NLRP1: variants seen among roughly 807,000 people sequenced by gnomAD.
The protein encoded by NLRP1 is NACHT, LRR and PYD domains-containing protein 1.
In NLRP1, 94 loss-of-function variants were observed where a neutral mutation model predicts 136.7. That is an observed-to-expected ratio of 0.69 (90% CI 0.58 to 0.82). NLRP1 has a LOEUF of 0.82. Ranked by LOEUF, NLRP1 falls within the 40% of genes least tolerant of loss-of-function variation. The pLI, the probability that NLRP1 is intolerant of heterozygous loss-of-function variation, is 0.00. For missense variants in NLRP1, 1,575 were observed against 1,802.7 expected (o/e 0.87, Z 2.29); for synonymous variants, 690 against 725.1 (o/e 0.95, Z 0.78).
Position 5,532,806 on chromosome 17 carries a change from G to T in NLRP1, c.3296+16C>A. 6.3e-7 allele frequency: 1 copy of T among 1,579,898 alleles called. No individual in the cohort carries two copies. Among genetic ancestry groups the T allele is most frequent in the South Asian group, 1.2e-5 (1 of 86,552 alleles). Reference sequence around the variant, plus strand: ...GCGGGAGGCCAGCCTGGGACCAGCAGAGCCCCCTCACTCACCGGTACAAGT... The same window carrying T: ...GCGGGAGGCCAGCCTGGGACCAGCATAGCCCCCTCACTCACCGGTACAAGT... On this transcript the variant is annotated intron_variant, in intron 11 of 16. Coordinates refer to ENST00000572272, the MANE Select transcript of NLRP1 (RefSeq NM_033004.4).
chr17:5,562,433 G>GCC (rs981297596), intron 3 of NLRP1, among the ~76,000 whole-genome samples: 3 of 152,194 alleles, frequency 2.0e-5, no homozygotes, highest in African/African-American at 7.2e-5. Context: ...GCCAACCACG[G>GCC]CCCCTGCCTG....
intron 10 of NLRP1, 96 bp downstream of exon 10, chr17:5,533,208 G>T: frequency 6.5e-7 from 1 of 1,535,354 alleles, no homozygotes; most frequent in African/African-American, 1.4e-5. Context: ...TTCCCCACTG[G>T]AATAGAAGTG....
At chr17:5,538,184 G>A (rs1039356551) in intron 7 of NLRP1, among the ~76,000 whole-genome samples, 4 of 152,102 alleles carry the variant, frequency 2.6e-5, no homozygotes, top group Non-Finnish European at 5.9e-5. Flanking sequence ...CAGGAGCCGT[G>A]GGTAAGTGTC....
intron 3 of NLRP1, among the ~76,000 whole-genome samples, chr17:5,561,353 C>A (rs1022848345): frequency 3.3e-5 from 5 of 152,122 alleles, no homozygotes; most frequent in Non-Finnish European, 7.3e-5. Flanking sequence ...CTGCACCCAG[C>A]CTACTATCTT....
intron 3 of NLRP1, 145 bp from the exon 4 acceptor site, chr17:5,560,188 G>T: frequency 1.3e-6 from 1 of 752,322 alleles, no homozygotes; most frequent in Non-Finnish European, 2.0e-6. Context: ...GCGGCGGAAG[G>T]ACATGTGCTT....
At position 5,553,538 on chromosome 17, in the gene NLRP1, G is replaced by A; in HGVS notation, c.2376C>T (p.Val792=). 1 of 1,614,050 alleles carries A rather than the reference G, an allele frequency of 6.2e-7. No individual in the cohort carries two copies. Among genetic ancestry groups the A allele is most frequent in the South Asian group, 1.1e-5 (1 of 91,052 alleles). Residue 792 remains valine (V), a synonymous_variant, in exon 5 of 17, where the codon GTC becomes GTT. Coordinates refer to ENST00000572272, the MANE Select transcript of NLRP1 (RefSeq NM_033004.4). ...TMVVLFRWVP[V]TDAYWQILFS... ...AGAGAATCTGCCAATAGGCATCTGT[G>A]ACTGGGACCCACCTGAACCTGAGGG... is the stretch of plus-strand genomic sequence containing the variant.
downstream of NLRP1, among the ~76,000 whole-genome samples, chr17:5,511,759 TTCTTTCTCTTTC>T (rs893846324): frequency 1.4e-4 from 20 of 142,178 alleles, no homozygotes; most frequent in African/African-American, 4.2e-4. Flanking sequence ...TCTTTTCTTT[TTCTTTCTCTTTC>T]TCTTTCTTCT....
At chr17:5,578,433 A>G (rs779599267) in intron 3 of NLRP1, among the ~76,000 whole-genome samples, 12 of 152,250 alleles carry the variant, frequency 7.9e-5, no homozygotes, top group Non-Finnish European at 1.8e-4. Context: ...AAACAACTCC[A>G]TCAAAAAGTG....
At chr17:5,548,790 C>G (rs1597443867) in intron 5 of NLRP1, among the ~76,000 whole-genome samples, 1 of 152,146 alleles carries the variant, frequency 6.6e-6, no homozygotes, top group African/African-American at 2.4e-5. Flanking sequence ...TCCTTGAGAC[C>G]CTCTGCTCTG....
Position 5,559,979 on chromosome 17 carries a change from T to C in NLRP1, c.717A>G (p.Gly239=). 1 of 1,612,016 alleles carries C rather than the reference T, an allele frequency of 6.2e-7. No homozygotes were observed. Among genetic ancestry groups the C allele is most frequent in the Non-Finnish European group, 8.5e-7 (1 of 1,178,928 alleles). Reference sequence around the variant, plus strand: ...GGCTGGTGTGCGCCTGTGGGGGCGTTCCTACCACCGCTGCCCATGGGGGCC... The same window carrying C: ...GGCTGGTGTGCGCCTGTGGGGGCGTCCCTACCACCGCTGCCCATGGGGGCC... ...KGRPPWAAVV[G]TPPQAHTSLQ... is the part of the protein sequence containing the mutation. The change falls in exon 4 of 17, where the codon GGA becomes GGG. Residue 239 remains glycine, a synonymous_variant. Transcript: ENST00000572272.
intron 12 of NLRP1, chr17:5,529,995 G>C (rs1364697483): frequency 2.2e-6 from 1 of 456,720 alleles, no homozygotes; most frequent in Middle Eastern, 3.3e-4. Flanking sequence ...TCTTCTATGG[G>C]AAGCCCCTGT....
chr17:5,510,912 G>T (rs1907592107), downstream of NLRP1, among the ~76,000 whole-genome samples: 1 of 152,122 alleles, frequency 6.6e-6, no homozygotes, highest in Non-Finnish European at 1.5e-5. Flanking sequence ...CAGGCTCAAA[G>T]AAGCTAAGAT....
rs562342893 is a variant in NLRP1 at position 5,543,051 on chromosome 17, A to G, written c.2529-1024T>C. Reference sequence around the variant, plus strand: ...CGCCATGTTGGCCAGGCTGGTCTTCAACCCCTGACCTCAGGTGATCCACCC... The same window carrying G: ...CGCCATGTTGGCCAGGCTGGTCTTCGACCCCTGACCTCAGGTGATCCACCC... On this transcript the variant is annotated intron_variant, in intron 5 of 16. Transcript: ENST00000572272. Among the ~76,000 whole-genome samples the G allele has an allele frequency of 3.9e-5, 6 of 152,296 alleles. No homozygotes were observed. The East Asian group carries it at 1.2e-3, about 30-fold the overall frequency.
At chr17:5,530,147 G>C (rs1910056078) in intron 12 of NLRP1, 1 of 461,538 alleles carries the variant, frequency 2.2e-6, no homozygotes, top group South Asian at 1.6e-5. Context: ...TTTGTAAATG[G>C]TCCTGTCTTT....
At chr17:5,527,289 AGAAAGTTTAC>A (rs1259606663) in intron 12 of NLRP1, among the ~76,000 whole-genome samples, 5 of 152,366 alleles carry the variant, frequency 3.3e-5, no homozygotes, top group African/African-American at 1.2e-4. Context: ...TAATGTTTTA[AGAAAGTTTAC>A]GAATTCACGT....
intron 15 of NLRP1, among the ~76,000 whole-genome samples, chr17:5,517,473 C>T (rs758778891): frequency 3.3e-5 from 5 of 151,834 alleles, no homozygotes; most frequent in African/African-American, 1.2e-4. Context: ...CTGCAACCTC[C>T]GCCTCCTGGG....
chr17:5,584,125 G>C lies in NLRP1; in HGVS notation c.-168C>G. On this transcript the variant is annotated 5_prime_UTR_variant, in exon 1 of 17. Transcript: ENST00000572272. ...GCACCTACAGATAGACGCCGATAGA[G>C]GGGGAGTGGTAGGAAAAGCCAGGGG... The C allele has an allele frequency of 1.5e-6, 1 of 671,918 alleles. No homozygotes were observed. Among genetic ancestry groups the C allele is most frequent in the South Asian group, 2.0e-5 (1 of 50,868 alleles). 41.6% of individuals were successfully genotyped at this position (671,918 alleles called of 1,614,324 possible).
intron 3 of NLRP1, among the ~76,000 whole-genome samples, chr17:5,574,747 C>T (rs766411809): frequency 4.6e-5 from 7 of 151,402 alleles, no homozygotes; most frequent in African/African-American, 1.7e-4. Flanking sequence ...CTGCAAGCTC[C>T]GCCTCCCAGG....
intron 14 of NLRP1, among the ~76,000 whole-genome samples, 168 bp downstream of exon 14, chr17:5,520,705 CCGAACTTT>C (rs1400451292): frequency 6.6e-6 from 1 of 152,204 alleles, no homozygotes; most frequent in Non-Finnish European, 1.5e-5. Context: ...CCTCCCTCCT[CCGAACTTT>C]CTTTCTCCTA....
Sources: allele counts gnomAD v4.1 joint callset (sites outside exome capture counted in the v4.1 genomes callset), GRCh38; gene constraint gnomAD v4.1.1; transcripts MANE v1.5; gene names NCBI Gene and HGNC (gene_info 2026-07-23, HGNC 2026-07-21).